The following SPAG16 variants were observed in gnomAD, a reference collection of about 807,000 sequenced individuals.
The protein encoded by SPAG16 is sperm-associated antigen 16 protein.
In SPAG16, 86 loss-of-function variants were observed where a neutral mutation model predicts 80.4. The ratio of observed to expected loss-of-function variants is 1.07; its 90% confidence interval spans 0.90 to 1.28. The LOEUF (loss-of-function observed/expected upper bound fraction) is 1.28. Ranked by LOEUF, SPAG16 falls within the 50% of genes most tolerant of loss-of-function variation. SPAG16 has a pLI of 0.00. For missense variants in SPAG16, 870 were observed against 765.3 expected, an observed-to-expected ratio of 1.14 and a Z score of -1.61; for synonymous variants, 294 against 265.9, an observed-to-expected ratio of 1.11 and a Z score of -1.03.
At chr2:214,409,333 C>G (rs539751976) in intron 15 of SPAG16, among the ~76,000 whole-genome samples, 8 of 152,034 alleles carry the variant, frequency 5.3e-5, no homozygotes, top group African/African-American at 1.9e-4. Flanking sequence ...AAGTACTGAG[C>G]TTATGTAAAC....
chr2:213,880,807 G>T (rs1426221929), intron 11 of SPAG16, among the ~76,000 whole-genome samples: 1 of 152,000 alleles, frequency 6.6e-6, no homozygotes, highest in Non-Finnish European at 1.5e-5. Flanking sequence ...TTTATTTCTG[G>T]GTTCTCTATT....
At chr2:213,877,692 T>G (rs2076193420) in intron 11 of SPAG16, among the ~76,000 whole-genome samples, 1 of 152,136 alleles carries the variant, frequency 6.6e-6, no homozygotes, top group Non-Finnish European at 1.5e-5. Context: ...TACCATAATA[T>G]CCACTTATGT....
At chr2:214,176,155 A>G (rs773490221) in intron 15 of SPAG16, among the ~76,000 whole-genome samples, 24 of 151,394 alleles carry the variant, frequency 1.6e-4, no homozygotes, top group South Asian at 6.2e-4. Flanking sequence ...GTTGATGACA[A>G]TGTCCTCAAA....
intron 9 of SPAG16, among the ~76,000 whole-genome samples, chr2:213,398,426 C>T (rs1369528899): frequency 6.6e-6 from 1 of 152,176 alleles, no homozygotes; most frequent in African/African-American, 2.4e-5. Context: ...CTGACATTAT[C>T]TCCTGCTACC....
chr2:213,540,215 AT>A (rs71060438), intron 10 of SPAG16, among the ~76,000 whole-genome samples: 1 of 149,734 alleles, frequency 6.7e-6, no homozygotes. Context: ...TTATTTTTTT[AT>A]TTTTTTTGTA....
At chr2:213,753,964 G>A (rs373676693) in intron 10 of SPAG16, among the ~76,000 whole-genome samples, 21 of 152,324 alleles carry the variant, frequency 1.4e-4, no homozygotes, top group African/African-American at 4.3e-4. Context: ...TCAGCAAGCC[G>A]TGACATAGGT....
chr2:214,266,789 C>A (rs1483314999), intron 15 of SPAG16, among the ~76,000 whole-genome samples: 1 of 150,894 alleles, frequency 6.6e-6, no homozygotes, highest in Non-Finnish European at 1.5e-5. Flanking sequence ...TTTCTATACA[C>A]TAACAACAGA....
At chr2:213,285,923 C>G in intron 1 of SPAG16, 1 of 1,288,696 alleles carries the variant, frequency 7.8e-7, no homozygotes, top group South Asian at 1.2e-5. Context: ...TGAATGGTAA[C>G]CAGGCATCTT....
chr2:213,852,847 G>A (rs568996464), intron 10 of SPAG16, among the ~76,000 whole-genome samples: 1 of 152,200 alleles, frequency 6.6e-6, no homozygotes, highest in East Asian at 1.9e-4. Flanking sequence ...TACATCATAG[G>A]CTATAAACAC....
chr2:213,327,299 A>T (rs2063885828), intron 5 of SPAG16, among the ~76,000 whole-genome samples: 1 of 151,972 alleles, frequency 6.6e-6, no homozygotes, highest in Non-Finnish European at 1.5e-5. Flanking sequence ...TATTAAGCAG[A>T]TGGGCAGCAG....
At chr2:214,228,617 A>G (rs1688460677) in intron 15 of SPAG16, among the ~76,000 whole-genome samples, 1 of 151,836 alleles carries the variant, frequency 6.6e-6, no homozygotes, top group South Asian at 2.1e-4. Context: ...TGAGAATTGC[A>G]AACTCTATCA....
At chr2:214,274,491 G>C (rs1296636910) in intron 15 of SPAG16, among the ~76,000 whole-genome samples, 1 of 152,130 alleles carries the variant, frequency 6.6e-6, no homozygotes, top group Non-Finnish European at 1.5e-5. Context: ...TTTATTGAGA[G>C]TTTTTAGCAT....
chr2:213,688,599 TA>T (rs1457420023), intron 10 of SPAG16, among the ~76,000 whole-genome samples: 1 of 152,228 alleles, frequency 6.6e-6, no homozygotes, highest in Non-Finnish European at 1.5e-5. Context: ...AATGAGAATT[TA>T]TGGTTTGTAG....
chr2:213,906,456 G>T (rs2077438181), intron 11 of SPAG16, among the ~76,000 whole-genome samples: 1 of 152,084 alleles, frequency 6.6e-6, no homozygotes, highest in African/African-American at 2.4e-5. Context: ...GTGACCTACA[G>T]ATTTAATGCA....
chr2:213,995,161 A>G (rs987219640), intron 12 of SPAG16, among the ~76,000 whole-genome samples: 9 of 152,180 alleles, frequency 5.9e-5, no homozygotes, highest in Non-Finnish European at 8.8e-5. Context: ...AGCCTGACAT[A>G]AGAATGATGA....
chr2:213,483,160 A>C (rs1396640536), intron 9 of SPAG16, among the ~76,000 whole-genome samples: 1 of 152,146 alleles, frequency 6.6e-6, no homozygotes. Flanking sequence ...CATCATCTGG[A>C]TGCATGGCAT....
intron 9 of SPAG16, among the ~76,000 whole-genome samples, chr2:213,401,312 T>G (rs1409097150): frequency 2.0e-5 from 3 of 152,280 alleles, no homozygotes; most frequent in Non-Finnish European, 4.4e-5. Context: ...TCATAATGCA[T>G]TATTACTTGG....
At position 214,070,978 on chromosome 2, in the gene SPAG16, C is replaced by G. The variant is rs1351313965; in HGVS notation, c.1528-37218C>G. Among the ~76,000 whole-genome samples the G allele has an allele frequency of 3.9e-5, 6 of 152,084 alleles. No homozygotes were observed. In the South Asian group the frequency reaches 1.2e-3, roughly 32 times the overall value. On this transcript the variant is annotated intron_variant, in intron 13 of 15. Coordinates refer to ENST00000331683, the MANE Select transcript of SPAG16 (RefSeq NM_024532.5). ...GTCAACTAAGAAATTCAATGATTCACCTTCATCTGCCCTACCCGGAAACTG... is the reference window on the plus strand; with the variant it reads ...GTCAACTAAGAAATTCAATGATTCAGCTTCATCTGCCCTACCCGGAAACTG...
At chr2:213,903,246 A>G (rs992540226) in intron 11 of SPAG16, among the ~76,000 whole-genome samples, 1 of 152,186 alleles carries the variant, frequency 6.6e-6, no homozygotes, top group Non-Finnish European at 1.5e-5. Context: ...CTCAGACCCC[A>G]CATTTCCCTT....
Sources: allele counts gnomAD v4.1 joint callset (sites outside exome capture counted in the v4.1 genomes callset), GRCh38; gene constraint gnomAD v4.1.1; transcripts MANE v1.5; gene names NCBI Gene and HGNC (gene_info 2026-07-23, HGNC 2026-07-21).